TJP2: variants seen among roughly 807,000 people sequenced by gnomAD.
TJP2 encodes the protein tight junction protein 2, also known as Friedreich ataxia region gene X104 (tight junction protein ZO-2).
Under a neutral mutation model 133.1 loss-of-function variants are expected in TJP2, and 91 were observed. The observed-to-expected ratio is 0.68, with a 90% confidence interval of 0.58 to 0.81. The LOEUF (loss-of-function observed/expected upper bound fraction) is 0.81. Ranked by LOEUF, TJP2 falls within the 40% of genes least tolerant of loss-of-function variation. The probability of loss-of-function intolerance (pLI) is 0.00; values close to 1 mark genes in which losing one functional copy is unlikely to be tolerated. For synonymous variants in TJP2, 592 were observed against 583.4 expected, an observed-to-expected ratio of 1.01 and a Z score of -0.21; for missense variants, 1,541 against 1,565.6, an observed-to-expected ratio of 0.98 and a Z score of 0.26.
At position 69,228,129 on chromosome 9, in the gene TJP2, C is replaced by A; in HGVS notation, c.1453+15C>A. On this transcript the variant is annotated intron_variant, in intron 9 of 22. Coordinates refer to ENST00000377245, the MANE Select transcript of TJP2 (RefSeq NM_004817.4). Reference sequence around the variant, plus strand: ...GGACCCCCCAGGTGAGCCATTAAGACCACTCAGTTTCAACAGTTGTGTTCA... The same window carrying A: ...GGACCCCCCAGGTGAGCCATTAAGAACACTCAGTTTCAACAGTTGTGTTCA... The A allele has an allele frequency of 6.3e-7, 1 of 1,592,362 alleles. No individual in the cohort carries two copies. Among genetic ancestry groups the A allele is most frequent in the South Asian group, 1.1e-5 (1 of 88,196 alleles).
At chr9:69,226,913 T>G (rs1829394434) in intron 7 of TJP2, among the ~76,000 whole-genome samples, 1 of 152,226 alleles carries the variant, frequency 6.6e-6, no homozygotes, top group Non-Finnish European at 1.5e-5. Context: ...ATTGTGGCAT[T>G]CATTAATTAG....
chr9:69,236,567 C>T (rs6559379), intron 13 of TJP2, among the ~76,000 whole-genome samples: 118,614 of 152,080 alleles, frequency 0.78, 46,386 homozygotes, highest in South Asian at 0.85. Flanking sequence ...TACCCTTGTC[C>T]GGTGCCCAGT....
chr9:69,130,015 CAAAA>C (rs11355311), intron 1 of TJP2, among the ~76,000 whole-genome samples: 5 of 94,170 alleles, frequency 5.3e-5, no homozygotes, highest in Admixed American at 1.1e-4. Context: ...AACTCTGCCT[CAAAA>C]AAAAAAAAAA....
intron 1 of TJP2, among the ~76,000 whole-genome samples, chr9:69,211,156 GGT>G (rs1268935031): frequency 7.2e-5 from 11 of 152,198 alleles, no homozygotes; most frequent in African/African-American, 2.4e-4. Flanking sequence ...TGATCAACAT[GGT>G]GAAGCCCCAT....
intron 1 of TJP2, among the ~76,000 whole-genome samples, chr9:69,205,752 C>T (rs2498441): frequency 0.89 from 135,701 of 152,256 alleles, 60,686 homozygotes; most frequent in Middle Eastern, 0.94. Context: ...ATGTCCCTTA[C>T]GTGGACAGCT....
intron 1 of TJP2, among the ~76,000 whole-genome samples, chr9:69,198,287 A>G (rs1826740222): frequency 1.3e-5 from 2 of 152,016 alleles, no homozygotes; most frequent in Non-Finnish European, 2.9e-5. Flanking sequence ...GACTACAGGC[A>G]TGTGCCACTA....
At chr9:69,134,159 C>G (rs1015852428) in intron 1 of TJP2, among the ~76,000 whole-genome samples, 2 of 152,136 alleles carry the variant, frequency 1.3e-5, no homozygotes, top group African/African-American at 4.8e-5. Context: ...CAGTGCCAAT[C>G]AGACTGTTTG....
At chr9:69,229,015 T>G (rs560729041) in intron 9 of TJP2, among the ~76,000 whole-genome samples, 169 bp from the exon 10 acceptor site, 1 of 152,366 alleles carries the variant, frequency 6.6e-6, no homozygotes, top group South Asian at 2.1e-4. Flanking sequence ...GAGAAACCAT[T>G]GGCACCTGCT....
In TJP2 at chr9:69,126,020, T is replaced by C. The variant is rs561803697; in HGVS notation, c.-131+4295T>C. On this transcript the variant is annotated intron_variant, in intron 1 of 5. Transcript: ENST00000423935. ...AGCATGGTATTTCTTTTTTTCTCAT[T>C]TTACGGAAGAGAAAATTGAGGCCAC... Among the ~76,000 whole-genome samples the C allele has an allele frequency of 1.2e-3, 96 of 76,872 alleles. 34 individuals carry two copies. Among genetic ancestry groups the C allele is most frequent in the African/African-American group, 3.4e-3 (86 of 25,340 alleles). 50.4% of individuals were successfully genotyped at this position (76,872 alleles called of 152,430 possible).
intron 2 of TJP2, among the ~76,000 whole-genome samples, chr9:69,159,138 C>G (rs1823925880): frequency 6.6e-6 from 1 of 151,740 alleles, no homozygotes; most frequent in Non-Finnish European, 1.5e-5. Flanking sequence ...AACTCTGTCT[C>G]TACAAAAAAT....
chr9:69,179,079 T>C (rs964175950), intron 1 of TJP2, among the ~76,000 whole-genome samples: 15 of 152,176 alleles, frequency 9.9e-5, no homozygotes, highest in African/African-American at 3.6e-4. Flanking sequence ...TATCCCTGCT[T>C]TGACCTAGAG....
intron 2 of TJP2, among the ~76,000 whole-genome samples, chr9:69,152,505 T>G (rs1003397876): frequency 2.0e-5 from 3 of 152,158 alleles, no homozygotes; most frequent in African/African-American, 7.2e-5. Flanking sequence ...AACTGGAGTT[T>G]AGTGGAGTGT....
intron 1 of TJP2, among the ~76,000 whole-genome samples, chr9:69,131,724 G>C (rs964409623): frequency 6.6e-6 from 1 of 152,144 alleles, no homozygotes; most frequent in African/African-American, 2.4e-5. Context: ...ATTTGCCTTT[G>C]ATCCCACTCA....
intron 2 of TJP2, among the ~76,000 whole-genome samples, chr9:69,155,844 CAG>C (rs1294974801): frequency 1.3e-5 from 2 of 152,174 alleles, no homozygotes; most frequent in Non-Finnish European, 2.9e-5. Flanking sequence ...GTGACTAAGT[CAG>C]GGGAGGATTC....
chr9:69,210,152 G>T, intron 1 of TJP2, among the ~76,000 whole-genome samples: 1 of 151,788 alleles, frequency 6.6e-6, no homozygotes, highest in Non-Finnish European at 1.5e-5. Flanking sequence ...AGCTGGGTGT[G>T]GTGGCGCACA....
chr9:69,220,494 A>G (rs894584514), intron 4 of TJP2, among the ~76,000 whole-genome samples: 7 of 152,182 alleles, frequency 4.6e-5, no homozygotes, highest in African/African-American at 7.2e-5. Context: ...ATCAGACCAT[A>G]TATTTGTACC....
chr9:69,228,230 A>C, intron 9 of TJP2, 116 bp downstream of exon 9: 1 of 1,296,600 alleles, frequency 7.7e-7, no homozygotes, highest in Non-Finnish European at 1.1e-6. Context: ...GCTGGAGGCC[A>C]TTATCCTAAG....
chr9:69,171,397 C>T (rs1476381863), upstream of TJP2, among the ~76,000 whole-genome samples: 3 of 152,164 alleles, frequency 2.0e-5, no homozygotes, highest in African/African-American at 7.2e-5. Context: ...CCCACCAACC[C>T]CTGTCCCCCA....
rs1306637159 is a variant in TJP2, at chr9:69,254,649, G to A, written c.*275G>A. ...ATCCTGTTACTTGCTTCAGTGGACC[G>A]AAATCTGTATTCTGTTTGCGTACTT... On this transcript the variant is annotated 3_prime_UTR_variant, in exon 23 of 23. Coordinates refer to ENST00000377245, the MANE Select transcript of TJP2 (RefSeq NM_004817.4). 14 of 596,744 alleles carry A rather than the reference G, an allele frequency of 2.3e-5. No individual in the cohort carries two copies. Among genetic ancestry groups the A allele is most frequent in the African/African-American group, 9.3e-5 (5 of 53,822 alleles). 37.0% of individuals were successfully genotyped at this position (596,744 alleles called of 1,614,324 possible). A position where few individuals can be genotyped will look rare whatever the true frequency, so the allele number is the denominator to read the frequency against.
Sources: gnomAD v4.1 joint callset for allele counts (sites outside exome capture counted in the v4.1 genomes callset) on GRCh38, gnomAD v4.1.1 for gene constraint, MANE v1.5 for transcripts, NCBI Gene and HGNC (gene_info 2026-07-23, HGNC 2026-07-21) for gene names.